ABTB2: variants seen among roughly 807,000 people sequenced by gnomAD.
The protein encoded by ABTB2 is ankyrin repeat and BTB/POZ domain-containing protein 2.
In ABTB2, 56 loss-of-function variants were observed where a neutral mutation model predicts 104.1. The ratio of observed to expected loss-of-function variants is 0.54; its 90% CI spans 0.43 to 0.67. The LOEUF (loss-of-function observed/expected upper bound fraction) is 0.67. ABTB2 is among the 30% of genes least tolerant of loss of function. ABTB2 has a pLI of 0.00. For synonymous variants in ABTB2, 606 were observed against 608.2 expected, an observed-to-expected ratio of 1.00 and a Z score of 0.05; for missense variants, 1,279 against 1,407.7, an observed-to-expected ratio of 0.91 and a Z score of 1.46.
intron 9 of ABTB2, 128 bp from the exon 10 acceptor site, chr11:34,162,933 GTCTT>G: frequency 1.1e-6 from 1 of 872,308 alleles, no homozygotes; most frequent in Non-Finnish European, 1.7e-6. Context: ...GAGTTTCATG[GTCTT>G]CCTCCTCCAG....
chr11:34,331,453 C>A (rs544506641), intron 1 of ABTB2, among the ~76,000 whole-genome samples: 5 of 152,204 alleles, frequency 3.3e-5, no homozygotes, highest in Admixed American at 6.5e-5. Flanking sequence ...GCCTATATAC[C>A]AGCCATGTGT....
chr11:34,258,414 A>G (rs1209553405), intron 1 of ABTB2, among the ~76,000 whole-genome samples: 3 of 152,162 alleles, frequency 2.0e-5, no homozygotes, highest in Non-Finnish European at 4.4e-5. Context: ...AGATTTACAG[A>G]GATGGAATTA....
rs761802885 is a variant in ABTB2, at chr11:34,356,847, A to G, written c.737T>C (p.Val246Ala). The change falls in exon 1 of 17, where the codon GTG becomes GCG. Residue 246 changes from valine (V) to alanine (A), a missense_variant. Coordinates refer to ENST00000435224, the MANE Select transcript of ABTB2 (RefSeq NM_145804.3). This position sits in a 1 kb window ranked among gnomAD's most constrained non-coding sequence, Gnocchi z 4.6. ...ENLVEEIRAR[V>A]MASHSPDGGG... ...GCCATCAGGGCTGTGGCTGGCCATCACCCTGGCCCGGATCTCCTCCACCAG... is the reference window on the plus strand; with the variant it reads ...GCCATCAGGGCTGTGGCTGGCCATCGCCCTGGCCCGGATCTCCTCCACCAG... 4 of 1,604,306 alleles carry G rather than the reference A, an allele frequency of 2.5e-6. No individual in the cohort carries two copies. The African/African-American group carries it at 5.4e-5, about 21-fold the overall frequency.
At chr11:34,202,306 T>C (rs998008125) in intron 2 of ABTB2, among the ~76,000 whole-genome samples, 1 of 152,078 alleles carries the variant, frequency 6.6e-6, no homozygotes, top group African/African-American at 2.4e-5. Flanking sequence ...GGGGAAAGTG[T>C]TGCAGGCAGA....
intron 1 of ABTB2, among the ~76,000 whole-genome samples, chr11:34,245,516 C>T (rs1474234996): frequency 1.3e-5 from 2 of 152,166 alleles, no homozygotes; most frequent in South Asian, 2.1e-4. Flanking sequence ...GAGACACCTG[C>T]GGCACTCACC....
intron 1 of ABTB2, among the ~76,000 whole-genome samples, chr11:34,259,368 G>A (rs1247790871): frequency 2.0e-5 from 3 of 152,234 alleles, no homozygotes; most frequent in Non-Finnish European, 4.4e-5. Context: ...GATAAGGGAG[G>A]AAATGTACCC....
chr11:34,317,434 T>C (rs774319682), intron 1 of ABTB2, among the ~76,000 whole-genome samples: 4 of 152,178 alleles, frequency 2.6e-5, no homozygotes, highest in Non-Finnish European at 4.4e-5. Flanking sequence ...AAGGGGGCAC[T>C]GGCAATGAGA....
At chr11:34,250,820 A>G (rs919494123) in intron 1 of ABTB2, among the ~76,000 whole-genome samples, 2 of 152,222 alleles carry the variant, frequency 1.3e-5, no homozygotes, top group Admixed American at 1.3e-4. Context: ...TGTGTAAGGC[A>G]CTTTGCAAAT....
In ABTB2 at chr11:34,259,165, C is replaced by T. The variant is rs148225658; in HGVS notation, c.884-54475G>A. Among the ~76,000 whole-genome samples the T allele has an allele frequency of 3.2e-4, 49 of 152,244 alleles. 1 individual carries two copies. The East Asian group carries it at 8.5e-3, about 26-fold the overall frequency. ...TTGTTAGCATTTTGGTCTAATAGCCCAGGTATGTCTCTCCACCCTAGTCCG... is the reference window on the plus strand; with the variant it reads ...TTGTTAGCATTTTGGTCTAATAGCCTAGGTATGTCTCTCCACCCTAGTCCG... On this transcript the variant is annotated intron_variant, in intron 1 of 16. Coordinates refer to ENST00000435224, the MANE Select transcript of ABTB2 (RefSeq NM_145804.3).
chr11:34,212,410 A>G (rs775359768), intron 1 of ABTB2, among the ~76,000 whole-genome samples: 1 of 152,222 alleles, frequency 6.6e-6, no homozygotes, highest in Non-Finnish European at 1.5e-5. Context: ...ACTACCATGC[A>G]TTGAGTAGGT....
intron 3 of ABTB2, among the ~76,000 whole-genome samples, 198 bp downstream of exon 3, chr11:34,197,127 G>A (rs1031114212): frequency 2.8e-5 from 4 of 143,616 alleles, no homozygotes; most frequent in Non-Finnish European, 6.2e-5. Flanking sequence ...CATCAGCTCA[G>A]AGGAAAAAAA....
intron 1 of ABTB2, among the ~76,000 whole-genome samples, chr11:34,258,986 T>TA (rs1854156939): frequency 6.6e-6 from 1 of 152,232 alleles, no homozygotes; most frequent in African/African-American, 2.4e-5. Context: ...TATACCTGGT[T>TA]GTTTTTCACC....
Position 34,164,807 on chromosome 11 carries a change from C to A in ABTB2, c.1867G>T (p.Val623Phe). 1 of 1,586,118 alleles carries A rather than the reference C, an allele frequency of 6.3e-7. No individual in the cohort carries two copies. The highest frequency in any genetic ancestry group is 8.5e-7 in the Non-Finnish European group (1 of 1,171,042). ...GCGCCTCGGCTCAGCAACAAACTGA[C>A]CAGCTCATAGTTCCCTGAAAGAGAA... is the stretch of plus-strand genomic sequence containing the variant. ...LASAAGNYEL[V>F]SLLLSRGADP... Residue 623 changes from valine (V) to phenylalanine (F), a missense_variant, in exon 9 of 17, where the codon GTC (valine) becomes TTC (phenylalanine). Transcript: ENST00000435224.
At chr11:34,199,067 G>A (rs962880040) in intron 2 of ABTB2, among the ~76,000 whole-genome samples, 21 of 152,214 alleles carry the variant, frequency 1.4e-4, no homozygotes, top group African/African-American at 4.8e-4. Flanking sequence ...CCAGAGCCCT[G>A]CACAGGGTCT....
intron 11 of ABTB2, 145 bp downstream of exon 11, chr11:34,160,758 G>A: frequency 1.3e-6 from 1 of 798,370 alleles, no homozygotes; most frequent in Admixed American, 2.9e-5. Context: ...GGGTCCCTGG[G>A]TGCTGAGGGC....
intron 16 of ABTB2, 46 bp from the exon 17 acceptor site, chr11:34,152,630 G>T (rs760608385): frequency 6.5e-7 from 1 of 1,547,658 alleles, no homozygotes; most frequent in Non-Finnish European, 8.8e-7. Context: ...CCTTAGTACA[G>T]CCCCACTCAC....
intron 1 of ABTB2, among the ~76,000 whole-genome samples, chr11:34,216,000 CATTCACTCATTT>C (rs2133047413): frequency 6.6e-6 from 1 of 152,304 alleles, no homozygotes; most frequent in South Asian, 2.1e-4. Flanking sequence ...ATTCTGCATT[CATTCACTCATTT>C]ATTCAACAAC....
At chr11:34,232,099 G>C (rs928302332) in intron 1 of ABTB2, among the ~76,000 whole-genome samples, 1 of 152,172 alleles carries the variant, frequency 6.6e-6, no homozygotes, top group African/African-American at 2.4e-5. Context: ...TAGGGGAAAC[G>C]GTGTGGGGTA....
intron 3 of ABTB2, among the ~76,000 whole-genome samples, chr11:34,192,672 G>A (rs921422481): frequency 6.6e-6 from 1 of 152,220 alleles, no homozygotes; most frequent in Non-Finnish European, 1.5e-5. Flanking sequence ...CAAGCGGACC[G>A]CTCTGTGGAC....
Sources: allele counts gnomAD v4.1 joint callset (sites outside exome capture counted in the v4.1 genomes callset), GRCh38; gene constraint gnomAD v4.1.1; non-coding constraint Gnocchi (gnomAD v3.1); transcripts MANE v1.5; gene names NCBI Gene and HGNC (gene_info 2026-07-23, HGNC 2026-07-21).